The following HPCAL1 variants were observed in gnomAD, a reference collection of about 807,000 sequenced individuals.
HPCAL1 encodes hippocalcin-like protein 1.
A neutral mutation model predicts 17.1 loss-of-function variants in HPCAL1; 8 were observed. The observed-to-expected ratio is 0.47, with a 90% CI of 0.27 to 0.84. The LOEUF (loss-of-function observed/expected upper bound fraction) is 0.84, where lower values mean the gene tolerates loss of function less well. Among genes scored for constraint, HPCAL1 ranks in the 40% least tolerant of loss-of-function variants. HPCAL1 has a pLI of 0.13. For synonymous variants in HPCAL1, 112 were observed against 111.4 expected (o/e 1.01, Z -0.03); for missense variants, 165 against 271.1 (o/e 0.61, Z 2.75).
At chr2:10,381,169 G>A (rs550320499) in intron 1 of HPCAL1, among the ~76,000 whole-genome samples, 5 of 152,300 alleles carry the variant, frequency 3.3e-5, no homozygotes, top group Admixed American at 2.6e-4. Flanking sequence ...CCCCTGAGGT[G>A]GGCACCACCC....
chr2:10,368,317 C>T (rs1286634104), intron 1 of HPCAL1, among the ~76,000 whole-genome samples: 3 of 137,068 alleles, frequency 2.2e-5, no homozygotes, highest in East Asian at 2.2e-4. Flanking sequence ...CACATATGCA[C>T]GTGTGGGTGT....
chr2:10,342,424 A>G lies in HPCAL1; in HGVS notation c.-111+39247A>G, dbSNP rs947816342. ...GGTCCTGGGATATAGCCACATGTGC[A>G]GTCCGTGCCTCCAGCGCGCAGCCTG... On this transcript the variant is annotated intron_variant, in intron 1 of 4. Coordinates refer to ENST00000307845, the MANE Select transcript of HPCAL1 (RefSeq NM_002149.4). This position sits in a 1 kb window ranked among gnomAD's most constrained non-coding sequence, Gnocchi z 4.1. Among the ~76,000 whole-genome samples, 27 of 150,562 alleles carry G rather than the reference A, an allele frequency of 1.8e-4. No individual in the cohort carries two copies. Among genetic ancestry groups the G allele is most frequent in the Non-Finnish European group, 1.2e-4 (8 of 67,574 alleles).
At chr2:10,352,395 T>C (rs1418920652) in intron 1 of HPCAL1, among the ~76,000 whole-genome samples, 1 of 152,158 alleles carries the variant, frequency 6.6e-6, no homozygotes, top group Non-Finnish European at 1.5e-5. Flanking sequence ...ACACCTTGAT[T>C]CCCACCTACG....
intron 1 of HPCAL1, among the ~76,000 whole-genome samples, chr2:10,334,703 T>TTTTTTTTTTTTTTTTA (rs1664607934): frequency 2.0e-5 from 3 of 151,378 alleles, no homozygotes; most frequent in Admixed American, 6.6e-5. Context: ...GACTTTTTTT[T>TTTTTTTTTTTTTTTTA]GAGGCAGGGT....
intron 1 of HPCAL1, among the ~76,000 whole-genome samples, chr2:10,317,419 T>C (rs1446860012): frequency 1.0e-4 from 1 of 9,726 alleles, no homozygotes; most frequent in Non-Finnish European, 2.2e-4. Flanking sequence ...ATTCAACAAT[T>C]TTTTTTTTTT....
At chr2:10,399,825 C>T (rs1009825939) in intron 2 of HPCAL1, among the ~76,000 whole-genome samples, 2 of 152,164 alleles carry the variant, frequency 1.3e-5, no homozygotes, top group South Asian at 2.1e-4. Context: ...TCCCTCTCCA[C>T]GTCCCCAGAC....
chr2:10,372,470 C>T (rs769638474), intron 1 of HPCAL1, among the ~76,000 whole-genome samples: 3 of 152,062 alleles, frequency 2.0e-5, no homozygotes, highest in Non-Finnish European at 2.9e-5. Context: ...GGCAGACAGG[C>T]GAGCGTATGG....
chr2:10,326,954 C>G (rs1416693748), intron 1 of HPCAL1, among the ~76,000 whole-genome samples: 1 of 152,238 alleles, frequency 6.6e-6, no homozygotes, highest in African/African-American at 2.4e-5. Context: ...TCGGTTGTCC[C>G]TTTGGCTCAG....
chr2:10,316,542 G>C (rs1663324352), intron 1 of HPCAL1, among the ~76,000 whole-genome samples: 1 of 152,192 alleles, frequency 6.6e-6, no homozygotes, highest in Non-Finnish European at 1.5e-5. Context: ...CCCTCCAAAG[G>C]CTTCTTAGGC....
intron 1 of HPCAL1, among the ~76,000 whole-genome samples, chr2:10,348,769 ACT>A (rs1665637510): frequency 6.6e-6 from 1 of 151,902 alleles, no homozygotes; most frequent in Non-Finnish European, 1.5e-5. Context: ...ACAGAGTGAG[ACT>A]CTGTCTCAAG....
chr2:10,390,201 T>C (rs1668602039), intron 1 of HPCAL1, among the ~76,000 whole-genome samples: 1 of 152,162 alleles, frequency 6.6e-6, no homozygotes, highest in South Asian at 2.1e-4. Context: ...TGTGTGAAGC[T>C]TGCAACCTGG....
At chr2:10,336,543 G>A (rs1333076187) in intron 1 of HPCAL1, among the ~76,000 whole-genome samples, 1 of 152,184 alleles carries the variant, frequency 6.6e-6, no homozygotes, top group African/African-American at 2.4e-5. Context: ...CTATGCTCTG[G>A]TACTAATGAC....
chr2:10,417,903 G>T (rs1187223849), intron 2 of HPCAL1, among the ~76,000 whole-genome samples: 1 of 151,944 alleles, frequency 6.6e-6, no homozygotes, highest in Non-Finnish European at 1.5e-5. Context: ...TTAACTGGGT[G>T]TGGTGGTGTG....
chr2:10,356,385 G>A (rs1344178065), intron 1 of HPCAL1, among the ~76,000 whole-genome samples: 1 of 152,108 alleles, frequency 6.6e-6, no homozygotes, highest in Non-Finnish European at 1.5e-5. Context: ...GTTTTGAACT[G>A]GGACTTGAAG....
At chr2:10,335,351 AG>A (rs1449116361) in intron 1 of HPCAL1, among the ~76,000 whole-genome samples, 1 of 152,184 alleles carries the variant, frequency 6.6e-6, no homozygotes, top group East Asian at 1.9e-4. Flanking sequence ...GTGGAGAGGC[AG>A]GCCTAGGTGA....
At chr2:10,378,304 G>T (rs1443300429) in intron 1 of HPCAL1, among the ~76,000 whole-genome samples, 1 of 148,134 alleles carries the variant, frequency 6.8e-6, no homozygotes, top group African/African-American at 2.5e-5. Context: ...TATTTCCAAG[G>T]CTTGTGCAGG....
At chr2:10,397,786 G>T (rs1452573019) in intron 2 of HPCAL1, among the ~76,000 whole-genome samples, 1 of 152,174 alleles carries the variant, frequency 6.6e-6, no homozygotes, top group African/African-American at 2.4e-5. Context: ...TGGAGAGCCT[G>T]CCAGCCATGC....
chr2:10,421,800 A>G (rs1671078907), intron 3 of HPCAL1, among the ~76,000 whole-genome samples: 1 of 152,206 alleles, frequency 6.6e-6, no homozygotes, highest in African/African-American at 2.4e-5. Context: ...AGCGGGTATC[A>G]AATCCGTGAA....
At chr2:10,325,220 A>G (rs1409666389) in intron 1 of HPCAL1, among the ~76,000 whole-genome samples, 1 of 152,082 alleles carries the variant, frequency 6.6e-6, no homozygotes, top group African/African-American at 2.4e-5. Flanking sequence ...GTCGGAGCAC[A>G]CTGGTGCCGT....
Sources: gnomAD v4.1 joint callset for allele counts (sites outside exome capture counted in the v4.1 genomes callset) on GRCh38, gnomAD v4.1.1 for gene constraint, Gnocchi (gnomAD v3.1) non-coding constraint, MANE v1.5 for transcripts, NCBI Gene and HGNC (gene_info 2026-07-23, HGNC 2026-07-21) for gene names.